ZNF782: variants seen among roughly 807,000 people sequenced by gnomAD.
ZNF782 encodes the protein zinc finger protein 782.
ZNF782 carries 12 observed loss-of-function variants against 13.0 expected under a neutral mutation model. The observed-to-expected ratio is 0.92, with a 90% CI of 0.59 to 1.50. ZNF782 has a LOEUF of 1.50. ZNF782 is among the 40% of genes most tolerant of loss of function. The probability of loss-of-function intolerance (pLI) is 0.00; values close to 1 mark genes in which losing one functional copy is unlikely to be tolerated. For synonymous variants in ZNF782, 284 were observed against 283.0 expected (o/e 1.00, Z -0.04); for missense variants, 770 against 822.9 (o/e 0.94, Z 0.79).
the ZNF782 span, among the ~76,000 whole-genome samples, chr9:96,898,628 C>T: frequency 6.8e-6 from 1 of 147,554 alleles, no homozygotes; most frequent in Non-Finnish European, 1.5e-5. Flanking sequence ...CTCACTGCAA[C>T]CTCTGCCTCC....
In ZNF782 at chr9:96,819,701, T is replaced by G; in HGVS notation, c.322A>C (p.Asn108His). ...TCTTGCTCTGTAGTCAATAATTTAT[T>G]GGTGAATAAAACTTGCAACAAATGT... ...GKHLLQVLFT[N>H]KLLTTEQEIS... The change falls in exon 6 of 6, where the codon AAT (asparagine) becomes CAT (histidine). Residue 108 changes from asparagine to histidine, a missense_variant. By Grantham distance (68) the Asn-to-His change is moderately conservative. Coordinates refer to ENST00000481138, the MANE Select transcript of ZNF782 (RefSeq NM_001001662.3). 1 of 1,613,386 alleles carries G rather than the reference T, an allele frequency of 6.2e-7. No homozygotes were observed. The highest frequency in any genetic ancestry group is 8.5e-7 in the Non-Finnish European group (1 of 1,179,880).
At chr9:96,833,229 C>G (rs945048769) in intron 4 of ZNF782, among the ~76,000 whole-genome samples, 1 of 152,160 alleles carries the variant, frequency 6.6e-6, no homozygotes, top group East Asian at 1.9e-4. Flanking sequence ...CATATAACAT[C>G]AGAAATTCCG....
At chr9:96,932,911 A>AGT in the ZNF782 span, among the ~76,000 whole-genome samples, 1 of 151,072 alleles carries the variant, frequency 6.6e-6, no homozygotes, top group African/African-American at 2.4e-5. Flanking sequence ...AGCCTCTCAA[A>AGT]GTGCTGAGAT....
chr9:96,883,739 T>C, the ZNF782 span, among the ~76,000 whole-genome samples: 23 of 152,086 alleles, frequency 1.5e-4, no homozygotes, highest in Admixed American at 1.5e-3. Flanking sequence ...CACATAGAAA[T>C]CTTTGGAAAC....
At chr9:96,829,799 C>T (rs1436156554) in intron 4 of ZNF782, among the ~76,000 whole-genome samples, 1 of 151,844 alleles carries the variant, frequency 6.6e-6, no homozygotes, top group Non-Finnish European at 1.5e-5. Flanking sequence ...AAAAAAATTT[C>T]AAAGAGCCAA....
chr9:96,831,480 C>T (rs961638999), intron 4 of ZNF782, among the ~76,000 whole-genome samples: 2 of 151,914 alleles, frequency 1.3e-5, no homozygotes, highest in Admixed American at 6.6e-5. Context: ...GAGGCCGAGA[C>T]GGGCGGATCA....
the ZNF782 span, among the ~76,000 whole-genome samples, chr9:96,905,649 G>T: frequency 8.7e-6 from 1 of 114,616 alleles, no homozygotes; most frequent in Non-Finnish European, 1.9e-5. Flanking sequence ...ACAGTGGCGC[G>T]ATCTTGGCTC....
chr9:96,836,316 G>A (rs868532394), intron 4 of ZNF782, among the ~76,000 whole-genome samples: 2 of 151,102 alleles, frequency 1.3e-5, no homozygotes, highest in African/African-American at 4.9e-5. Context: ...GGATTCAAGC[G>A]CTTCTCCTGC....
At chr9:96,895,878 A>G in the ZNF782 span, 4 of 152,240 alleles carry the variant, frequency 2.6e-5, no homozygotes, top group Non-Finnish European at 2.9e-5. Flanking sequence ...ATTACGCTAT[A>G]AAGTGGAAGC....
the ZNF782 span, among the ~76,000 whole-genome samples, chr9:96,907,829 T>C: frequency 1.3e-5 from 2 of 151,568 alleles, no homozygotes; most frequent in Admixed American, 1.3e-4. Context: ...TTAGTAGAGA[T>C]GGGGTTTCAC....
intron 1 of ZNF782, among the ~76,000 whole-genome samples, chr9:96,865,010 C>T (rs4509454): frequency 0.18 from 26,844 of 151,912 alleles, 3,075 homozygotes; most frequent in Non-Finnish European, 0.25. Context: ...CATGCCACTG[C>T]ACTTTAGCCT....
rs1365389332 is a variant in ZNF782, at chr9:96,819,010, G to C, written c.1013C>G (p.Ser338Cys). Reference protein sequence around the residue: ...HQRTHATDKYSDYHPCTETFS... With the variant: ...HQRTHATDKYCDYHPCTETFS... ...TGTCTCTGTACATGGGTGATAATCA[G>C]AGTATTTATCTGTTGCATGAGTTCT... is the stretch of plus-strand genomic sequence containing the variant. The change falls in exon 6 of 6, where the codon TCT (serine) becomes TGT (cysteine). Residue 338 changes from serine (S) to cysteine (C), a missense_variant. Ser to Cys is a moderately radical substitution (Grantham distance 112). Coordinates refer to ENST00000481138, the MANE Select transcript of ZNF782 (RefSeq NM_001001662.3). 6.2e-7 allele frequency: 1 copy of C among 1,614,062 alleles called. No individual in the cohort carries two copies. The highest frequency in any genetic ancestry group is 8.5e-7 in the Non-Finnish European group (1 of 1,180,016).
rs745800633 is a variant in ZNF782, at chr9:96,818,312, A to G, written c.1711T>C (p.Phe571Leu). 20 of 1,613,946 alleles carry G rather than the reference A, an allele frequency of 1.2e-5. No homozygotes were observed. The South Asian group carries it at 2.2e-4, about 18-fold the overall frequency. Residue 571 changes from phenylalanine (F) to leucine (L), a missense_variant, in exon 6 of 6, where the codon TTC becomes CTC. Transcript: ENST00000481138. ...ACTCTGAGGTTTGATTTCTGACTGA[A>G]AGCTTCCCCACAATGATTACATTTA... ...PYKCNHCGEA[F>L]SQKSNLRVHH...
intron 4 of ZNF782, among the ~76,000 whole-genome samples, chr9:96,834,090 A>G (rs1199800053): frequency 6.6e-6 from 1 of 152,194 alleles, no homozygotes; most frequent in Non-Finnish European, 1.5e-5. Context: ...ATCCCTCATG[A>G]AAAGATTAAT....
the ZNF782 span, chr9:96,918,623 G>C: frequency 6.6e-6 from 1 of 152,302 alleles, no homozygotes; most frequent in African/African-American, 2.4e-5. Context: ...AATTGCGGGG[G>C]TGGTCAGCAG....
chr9:96,868,549 T>C (rs1011076756), intron 1 of ZNF782, among the ~76,000 whole-genome samples: 1 of 152,254 alleles, frequency 6.6e-6, no homozygotes. Context: ...ATGAAAAAGC[T>C]GAAGGCTTGA....
chr9:96,894,946 A>T, the ZNF782 span: 19 of 152,170 alleles, frequency 1.2e-4, no homozygotes, highest in African/African-American at 4.3e-4. Context: ...CAGGCTTCAA[A>T]CTCCTGAGCT....
the ZNF782 span, chr9:96,931,880 T>C: frequency 1.2e-6 from 2 of 1,612,400 alleles, no homozygotes; most frequent in Non-Finnish European, 1.7e-6. Flanking sequence ...GCTCTCTGCC[T>C]TCCCCAGCAC....
the ZNF782 span, chr9:96,892,379 T>C: frequency 1.3e-5 from 2 of 152,348 alleles, no homozygotes; most frequent in South Asian, 4.1e-4. Flanking sequence ...AACATTAGTA[T>C]ACAAATATCT....
Sources: allele counts gnomAD v4.1 joint callset (sites outside exome capture counted in the v4.1 genomes callset), GRCh38; gene constraint gnomAD v4.1.1; transcripts MANE v1.5; gene names NCBI Gene and HGNC (gene_info 2026-07-23, HGNC 2026-07-21).